Variants in LHFPL2 observed in about 807,000 individuals in gnomAD.
The protein encoded by LHFPL2 is LHFPL tetraspan subfamily member 2.
Under a neutral mutation model 17.5 loss-of-function variants are expected in LHFPL2, and 7 were observed. That is an observed-to-expected ratio of 0.40 (90% CI 0.23 to 0.75). The LOEUF (loss-of-function observed/expected upper bound fraction) is 0.75. LHFPL2 is among the 30% of genes least tolerant of loss of function. The pLI, the probability that LHFPL2 is intolerant of heterozygous loss-of-function variation, is 0.37. For missense variants in LHFPL2, 241 were observed against 294.8 expected (o/e 0.82, Z 1.34); for synonymous variants, 134 against 116.2 (o/e 1.15, Z -0.99).
chr5:78,572,659 C>A (rs1278220027), intron 2 of LHFPL2, among the ~76,000 whole-genome samples: 2 of 151,926 alleles, frequency 1.3e-5, no homozygotes, highest in African/African-American at 2.4e-5. Flanking sequence ...TTACACCAGG[C>A]TGTGTTTTTC....
intron 2 of LHFPL2, among the ~76,000 whole-genome samples, chr5:78,601,242 G>C (rs1744000521): frequency 6.6e-6 from 1 of 152,226 alleles, no homozygotes; most frequent in Non-Finnish European, 1.5e-5. Context: ...ACTTCTCTGT[G>C]AGGATAAAGT....
chr5:78,563,522 C>A (rs1756784366), intron 3 of LHFPL2, among the ~76,000 whole-genome samples: 2 of 151,784 alleles, frequency 1.3e-5, no homozygotes, highest in Non-Finnish European at 2.9e-5. Flanking sequence ...ATGGTGAAAC[C>A]CCGTCTCTAC....
chr5:78,537,034 G>A (rs1274987437), intron 3 of LHFPL2, among the ~76,000 whole-genome samples: 3 of 152,174 alleles, frequency 2.0e-5, no homozygotes, highest in Non-Finnish European at 4.4e-5. Flanking sequence ...AGGAGCTTGT[G>A]AGAACTGTGG....
rs1743450666 is a variant in LHFPL2 at position 78,587,296 on chromosome 5, C to G, written c.-244-22425G>C. Among the ~76,000 whole-genome samples the G allele has an allele frequency of 2.0e-5, 3 of 152,210 alleles. No individual in the cohort carries two copies. In the South Asian group the frequency reaches 6.2e-4, roughly 32 times the overall value. ...TGTTGGCAAAGATGCCGAATAGAGTCTTCTTACTAAATAGGACAAATGATG... is the reference window on the plus strand; with the variant it reads ...TGTTGGCAAAGATGCCGAATAGAGTGTTCTTACTAAATAGGACAAATGATG... On this transcript the variant is annotated intron_variant, in intron 2 of 4. Coordinates refer to ENST00000380345, the MANE Select transcript of LHFPL2 (RefSeq NM_005779.3).
chr5:78,602,560 A>G (rs10474561), intron 2 of LHFPL2, among the ~76,000 whole-genome samples: 63,833 of 152,084 alleles, frequency 0.42, 13,560 homozygotes, highest in Middle Eastern at 0.5. Context: ...AACACCTCCC[A>G]TAGGGGAGTG....
intron 1 of LHFPL2, chr5:78,642,256 G>T (rs371259648): frequency 6.6e-6 from 1 of 152,076 alleles, no homozygotes; most frequent in South Asian, 2.1e-4. Flanking sequence ...ATCACATAGC[G>T]GGTTAGGGCT....
intron 2 of LHFPL2, among the ~76,000 whole-genome samples, chr5:78,629,019 AGGGAAAAGG>A (rs1745155019): frequency 6.6e-6 from 1 of 152,252 alleles, no homozygotes; most frequent in South Asian, 2.1e-4. Flanking sequence ...AATGATTTAT[AGGGAAAAGG>A]GGGAAAAGGA....
At chr5:78,547,052 C>A (rs138750474) in intron 3 of LHFPL2, among the ~76,000 whole-genome samples, 1 of 152,026 alleles carries the variant, frequency 6.6e-6, no homozygotes. Flanking sequence ...GGAGGGTCCC[C>A]TTGGCCCCCA....
intron 2 of LHFPL2, among the ~76,000 whole-genome samples, chr5:78,577,403 T>C (rs1580822873): frequency 6.6e-6 from 1 of 152,350 alleles, no homozygotes; most frequent in African/African-American, 2.4e-5. Flanking sequence ...CATTGGTATC[T>C]TGACTTGTGA....
chr5:78,567,496 G>A (rs552586977), intron 2 of LHFPL2, among the ~76,000 whole-genome samples: 1 of 152,188 alleles, frequency 6.6e-6, no homozygotes, highest in African/African-American at 2.4e-5. Context: ...TTAGAACAGT[G>A]TCTTTATTTC....
chr5:78,566,728 G>A (rs1756869266), intron 2 of LHFPL2, among the ~76,000 whole-genome samples: 1 of 152,208 alleles, frequency 6.6e-6, no homozygotes, highest in African/African-American at 2.4e-5. Context: ...AAAGTGCTGG[G>A]ATTACAGGCG....
At chr5:78,580,084 T>G (rs1007479715) in intron 2 of LHFPL2, among the ~76,000 whole-genome samples, 3 of 152,226 alleles carry the variant, frequency 2.0e-5, no homozygotes, top group Non-Finnish European at 4.4e-5. Context: ...TTGATTTGCA[T>G]TTCTCTGATG....
chr5:78,547,599 T>A (rs1748422596), intron 3 of LHFPL2, among the ~76,000 whole-genome samples: 1 of 152,228 alleles, frequency 6.6e-6, no homozygotes, highest in Non-Finnish European at 1.5e-5. Flanking sequence ...CATGGTGGAA[T>A]ACACAGTCCT....
In LHFPL2 at chr5:78,531,154, G is replaced by A. The variant is rs1580780486; in HGVS notation, c.-185-20756C>T. On this transcript the variant is annotated intron_variant, in intron 3 of 4. Transcript: ENST00000380345. ...CAATGAGCCGGGCATGGTGGCTCACGCCTATAATCCCAGCACTTTGGGAGG... is the reference window on the plus strand; with the variant it reads ...CAATGAGCCGGGCATGGTGGCTCACACCTATAATCCCAGCACTTTGGGAGG... Among the ~76,000 whole-genome samples the A allele has an allele frequency of 2.6e-5, 4 of 152,218 alleles. No homozygotes were observed. The South Asian group carries it at 8.3e-4, about 32-fold the overall frequency.
chr5:78,510,298 C>G lies in LHFPL2; in HGVS notation c.-85G>C. On this transcript the variant is annotated 5_prime_UTR_variant, in exon 4 of 5. Coordinates refer to ENST00000380345, the MANE Select transcript of LHFPL2 (RefSeq NM_005779.3). The stretch of plus-strand genomic sequence containing the variant: ...TCGGTGGGGAAGGAGGCTCGGGCGG[C>G]CCGGGAAGGAAGTCGCAGCTGCAGT... 7.4e-7 allele frequency: 1 copy of G among 1,346,946 alleles called. No individual in the cohort carries two copies. The highest frequency in any genetic ancestry group is 2.5e-5 in the East Asian group (1 of 40,114). 83.4% of individuals were successfully genotyped at this position (1,346,946 alleles called of 1,614,324 possible). A position where few individuals can be genotyped will look rare whatever the true frequency, so the allele number is the denominator to read the frequency against.
chr5:78,499,354 T>C (rs537105771), intron 4 of LHFPL2, among the ~76,000 whole-genome samples: 1 of 152,362 alleles, frequency 6.6e-6, no homozygotes, highest in African/African-American at 2.4e-5. Context: ...ACTTTAAATA[T>C]AACTCATGCA....
intron 1 of LHFPL2, among the ~76,000 whole-genome samples, chr5:78,636,284 C>T (rs891705660): frequency 1.3e-5 from 2 of 152,214 alleles, no homozygotes; most frequent in Admixed American, 6.5e-5. Flanking sequence ...CCTCTGTGTG[C>T]TTACACGTCT....
At chr5:78,591,807 T>C (rs1349521692) in intron 2 of LHFPL2, among the ~76,000 whole-genome samples, 2 of 152,188 alleles carry the variant, frequency 1.3e-5, no homozygotes, top group African/African-American at 4.8e-5. Context: ...GGAAGCTTAC[T>C]AGTTGAGGCA....
At chr5:78,596,238 C>T (rs1743822360) in intron 2 of LHFPL2, among the ~76,000 whole-genome samples, 1 of 152,172 alleles carries the variant, frequency 6.6e-6, no homozygotes, top group Admixed American at 6.5e-5. Context: ...AAAAGATATA[C>T]AGTTACAAGA....
Sources: gnomAD v4.1 joint callset for allele counts (sites outside exome capture counted in the v4.1 genomes callset) on GRCh38, gnomAD v4.1.1 for gene constraint, MANE v1.5 for transcripts, NCBI Gene and HGNC (gene_info 2026-07-23, HGNC 2026-07-21) for gene names.